SV2C: variants seen among roughly 807,000 people sequenced by gnomAD.
SV2C encodes the protein synaptic vesicle glycoprotein 2C, also known as solute carrier family 22 member B3.
A neutral mutation model predicts 79.7 loss-of-function variants in SV2C; 49 were observed. The ratio of observed to expected loss-of-function variants is 0.61; its 90% confidence interval spans 0.49 to 0.78. The LOEUF (loss-of-function observed/expected upper bound fraction) is 0.78, where lower values mean the gene tolerates loss of function less well. Ranked by LOEUF, SV2C falls within the 30% of genes least tolerant of loss-of-function variation. SV2C has a pLI of 0.00. For missense variants in SV2C, 833 were observed against 912.9 expected, an observed-to-expected ratio of 0.91 and a Z score of 1.13; for synonymous variants, 334 against 333.2, an observed-to-expected ratio of 1.00 and a Z score of -0.03.
intron 4 of SV2C, among the ~76,000 whole-genome samples, chr5:76,254,162 G>A (rs554600743): frequency 6.1e-4 from 88 of 144,440 alleles, no homozygotes; most frequent in Non-Finnish European, 1.1e-3. Context: ...ATATATATAT[G>A]TGTGTGTGTG....
intron 3 of SV2C, among the ~76,000 whole-genome samples, chr5:76,209,511 T>C (rs1744703615): frequency 6.6e-6 from 1 of 152,208 alleles, no homozygotes; most frequent in Admixed American, 6.5e-5. Context: ...CACCTCTTGG[T>C]AACATAGCTT....
intron 3 of SV2C, among the ~76,000 whole-genome samples, chr5:76,199,975 G>T (rs1005828398): frequency 1.4e-4 from 21 of 152,224 alleles, no homozygotes; most frequent in African/African-American, 5.1e-4. Context: ...CAAAGGGACT[G>T]AAGGCCTTTT....
chr5:76,339,558 C>A (rs544157958), intron 12 of SV2C, among the ~76,000 whole-genome samples: 1 of 151,952 alleles, frequency 6.6e-6, no homozygotes, highest in African/African-American at 2.4e-5. Flanking sequence ...ACTAAAAATA[C>A]AAAAAATTAA....
At chr5:76,315,120 T>C (rs1320959047) in intron 12 of SV2C, among the ~76,000 whole-genome samples, 1 of 151,658 alleles carries the variant, frequency 6.6e-6, no homozygotes, top group East Asian at 1.9e-4. Flanking sequence ...TCCACTTGAG[T>C]GTAAGGAAGG....
At chr5:76,241,213 G>C (rs1035073953) in intron 4 of SV2C, among the ~76,000 whole-genome samples, 4 of 137,782 alleles carry the variant, frequency 2.9e-5, no homozygotes, top group African/African-American at 1.1e-4. Flanking sequence ...AAGCCAAACT[G>C]TATCCAGCTT....
intron 4 of SV2C, among the ~76,000 whole-genome samples, chr5:76,248,406 T>C (rs1348390558): frequency 6.6e-6 from 1 of 152,222 alleles, no homozygotes; most frequent in Non-Finnish European, 1.5e-5. Flanking sequence ...TGTGTCCTAA[T>C]CTGCTCTTCT....
In SV2C at chr5:76,155,942, CAAAAAAAAA is replaced by C. The variant is rs56340029; in HGVS notation, c.580+23631_580+23639del. Among the ~76,000 whole-genome samples the C allele has an allele frequency of 8.8e-4, 51 of 58,100 alleles. No individual in the cohort carries two copies. The East Asian group carries it at 0.023, about 26-fold the overall frequency. The allele number at this position is 58,100 out of a possible 152,430, so 38.1% of individuals were successfully genotyped here. The stretch of plus-strand genomic sequence containing the variant: ...AGAAATTTATGCCCAAGGTTTCTCT[CAAAAAAAAA>C]AAAAAAAAAAAAAAAAAAGTAGAGG... On this transcript the variant is annotated intron_variant, in intron 2 of 12. Transcript: ENST00000502798.
the SV2C span, among the ~76,000 whole-genome samples, chr5:75,901,281 A>C: frequency 6.6e-6 from 1 of 152,026 alleles, no homozygotes; most frequent in Admixed American, 6.6e-5. Flanking sequence ...TGTCCTTTCT[A>C]TTTGTTAGTT....
chr5:76,265,571 C>T (rs1238512903), intron 4 of SV2C, among the ~76,000 whole-genome samples: 4 of 152,200 alleles, frequency 2.6e-5, no homozygotes, highest in African/African-American at 9.6e-5. Context: ...AACAGTTGCC[C>T]AATTTTGTGC....
the SV2C span, chr5:75,921,095 G>GT: frequency 1.3e-6 from 1 of 788,532 alleles, no homozygotes; most frequent in East Asian, 2.4e-5. Context: ...AAACTCCTGG[G>GT]TGAGGGCATT....
chr5:75,985,826 A>G, the SV2C span, among the ~76,000 whole-genome samples: 1 of 151,984 alleles, frequency 6.6e-6, no homozygotes, highest in East Asian at 1.9e-4. Flanking sequence ...CTAAAGGGCA[A>G]TATGTGAAAT....
chr5:76,248,292 G>A (rs1364421699), intron 4 of SV2C, among the ~76,000 whole-genome samples: 1 of 152,134 alleles, frequency 6.6e-6, no homozygotes, highest in Non-Finnish European at 1.5e-5. Flanking sequence ...CTAGAAATCT[G>A]AGATCAAGGG....
intron 4 of SV2C, among the ~76,000 whole-genome samples, chr5:76,228,751 A>G (rs1638636561): frequency 6.6e-6 from 1 of 151,954 alleles, no homozygotes; most frequent in African/African-American, 2.4e-5. Flanking sequence ...AAGTGAAGGT[A>G]TATTCTTTAA....
At position 76,330,055 on chromosome 5, in the gene SV2C, T is replaced by C. The variant is rs1561321109; in HGVS notation, c.*4508T>C. 1 of 127,576 alleles carries C rather than the reference T, an allele frequency of 7.8e-6. No individual in the cohort carries two copies. The highest frequency in any genetic ancestry group is 1.7e-5 in the Non-Finnish European group (1 of 58,046). The allele number at this position is 127,576 out of a possible 1,614,324, so 7.9% of individuals were successfully genotyped here. ...TAAGTAAAGCTTCTCTTGTTATCTG[T>C]AATGTAGACAAAAAAAAAAAAAAAC... On this transcript the variant is annotated 3_prime_UTR_variant, in exon 13 of 13. Coordinates refer to ENST00000502798, the MANE Select transcript of SV2C (RefSeq NM_014979.4).
the SV2C span, among the ~76,000 whole-genome samples, chr5:75,857,614 T>C: frequency 6.6e-6 from 1 of 152,170 alleles, no homozygotes; most frequent in African/African-American, 2.4e-5. Context: ...TTCCTAAATT[T>C]TAGAATTATT....
At chr5:76,335,101 C>T (rs2112580442), downstream of SV2C, among the ~76,000 whole-genome samples, 1 of 152,310 alleles carries the variant, frequency 6.6e-6, no homozygotes, top group African/African-American at 2.4e-5. Context: ...CACATGTGAC[C>T]AGAGGCTACC....
intron 12 of SV2C, among the ~76,000 whole-genome samples, chr5:76,321,475 C>T (rs1748827767): frequency 6.6e-6 from 1 of 152,104 alleles, no homozygotes; most frequent in East Asian, 1.9e-4. Flanking sequence ...AATGGTGGCT[C>T]ACACCTGTAA....
the SV2C span, among the ~76,000 whole-genome samples, chr5:76,004,739 G>C: frequency 6.6e-6 from 1 of 152,102 alleles, no homozygotes; most frequent in African/African-American, 2.4e-5. Context: ...TTACCTGCAT[G>C]ATGACCCCGC....
intron 2 of SV2C, among the ~76,000 whole-genome samples, chr5:76,165,141 T>A (rs764628987): frequency 6.6e-6 from 1 of 152,130 alleles, no homozygotes; most frequent in Non-Finnish European, 1.5e-5. Flanking sequence ...TGTGTGTTTA[T>A]GTGTGTGTGA....
Sources: allele counts gnomAD v4.1 joint callset (sites outside exome capture counted in the v4.1 genomes callset), GRCh38; gene constraint gnomAD v4.1.1; transcripts MANE v1.5; gene names NCBI Gene and HGNC (gene_info 2026-07-23, HGNC 2026-07-21).